Variants in MMP11 observed in about 807,000 individuals in gnomAD.
The protein encoded by MMP11 is stromelysin-3.
A neutral mutation model predicts 49.5 loss-of-function variants in MMP11; 26 were observed. The observed-to-expected ratio is 0.52, with a 90% CI of 0.38 to 0.73. The LOEUF is 0.73. MMP11 is among the 30% of genes least tolerant of loss of function. The pLI, the probability that MMP11 is intolerant of heterozygous loss-of-function variation, is 0.00. For missense variants in MMP11, 624 were observed against 671.2 expected (o/e 0.93, Z 0.78); for synonymous variants, 265 against 282.3 (o/e 0.94, Z 0.62).
chr22:23,782,138 A>AGTCT (rs1031570466), intron 6 of MMP11, 88 bp from the exon 7 acceptor site: 42 of 1,528,726 alleles, frequency 2.7e-5, no homozygotes, highest in Non-Finnish European at 3.4e-5. Flanking sequence ...AGGCTGGGAG[A>AGTCT]GTCTGTGGTA....
intron 1 of MMP11, among the ~76,000 whole-genome samples, 182 bp downstream of exon 1, chr22:23,773,160 G>C (rs1450489308): frequency 1.3e-5 from 2 of 152,168 alleles, no homozygotes; most frequent in Non-Finnish European, 2.9e-5. Context: ...CTGGGGGTGT[G>C]AAGGGGAGCC....
At chr22:23,779,679 ACGGGTGT>A in intron 2 of MMP11, 1 of 540,454 alleles carries the variant, frequency 1.9e-6, no homozygotes, top group South Asian at 2.6e-5. Flanking sequence ...ATGCCTGCGG[ACGGGTGT>A]TCAGTCACTC....
chr22:23,782,348 A>C lies in MMP11; in HGVS notation c.1198A>C (p.Ile400Leu). ...GGTCTGGGGTCCCGAGAAGAACAAG[A>C]TCTACTTCTTCCGAGGCAGGGACTA... Reference protein sequence around the residue: ...ALVWGPEKNKIYFFRGRDYWR... With the variant: ...ALVWGPEKNKLYFFRGRDYWR... The change falls in exon 7 of 8, where the codon ATC becomes CTC. Residue 400 changes from isoleucine to leucine, a missense_variant. By Grantham distance (5) the Ile-to-Leu change is conservative (BLOSUM62 2). Transcript: ENST00000215743. 6.2e-7 allele frequency: 1 copy of C among 1,613,914 alleles called. No individual in the cohort carries two copies. The highest frequency in any genetic ancestry group is 8.5e-7 in the Non-Finnish European group (1 of 1,179,984).
Position 23,780,083 on chromosome 22 carries a change from T to G in MMP11, c.339-276T>G. On this transcript the variant is annotated intron_variant, in intron 2 of 7. Transcript: ENST00000215743. The surrounding 1 kb of genome is among the most constrained non-coding windows in gnomAD (Gnocchi z 4.6). ...GGAACCAAGGTGTCCCCACAGTAAG[T>G]GGCACTGTCAGGTCTAGGATGGGGG... 1 of 497,610 alleles carries G rather than the reference T, an allele frequency of 2.0e-6. No homozygotes were observed. Among genetic ancestry groups the G allele is most frequent in the African/African-American group, 1.9e-5 (1 of 52,270 alleles). The allele number at this position is 497,610 out of a possible 1,614,324, so 30.8% of individuals were successfully genotyped here.
At chr22:23,782,655 A>AAATG (rs1927683025) in intron 7 of MMP11, 172 bp downstream of exon 7, 1 of 778,186 alleles carries the variant, frequency 1.3e-6, no homozygotes, top group Admixed American at 2.9e-5. Flanking sequence ...TACATTCCAT[A>AAATG]TTGCAGATGA....
chr22:23,778,520 C>G (rs953443160), intron 1 of MMP11, among the ~76,000 whole-genome samples: 4 of 152,184 alleles, frequency 2.6e-5, no homozygotes, highest in Non-Finnish European at 5.9e-5. Context: ...TGCTAGAAGC[C>G]AGGCCTCAGT....
Position 23,783,729 on chromosome 22 carries a change from C to T in MMP11, c.*185C>T, listed in dbSNP as rs151200657. 5.2e-4 allele frequency: 387 copies of T among 737,200 alleles called. 1 individual carries two copies. In the African/African-American group the frequency reaches 6.2e-3, roughly 12 times the overall value. 45.7% of individuals were successfully genotyped at this position (737,200 alleles called of 1,614,324 possible). ...GGGAGGGCCACGCAGGTCGTGGTCA[C>T]CTGCCAGCGACTGTCTCAGACTGGG... On this transcript the variant is annotated 3_prime_UTR_variant, in exon 8 of 8. Transcript: ENST00000215743.
chr22:23,780,856 C>T lies in MMP11; in HGVS notation c.617-3C>T, dbSNP rs1927594294. On this transcript the variant is annotated splice_region_variant and splice_polypyrimidine_tract_variant and intron_variant, in intron 4 of 7. Transcript: ENST00000215743. The surrounding 1 kb of genome is among the most constrained non-coding windows in gnomAD (Gnocchi z 4.6). Reference sequence around the variant, plus strand: ...GGGTTGCTGAGCCACCTCCCTTTTTCAGGCACAGACCTGCTGCAGGTGGCA... The same window carrying T: ...GGGTTGCTGAGCCACCTCCCTTTTTTAGGCACAGACCTGCTGCAGGTGGCA... 6.2e-7 allele frequency: 1 copy of T among 1,610,794 alleles called. No homozygotes were observed. Among genetic ancestry groups the T allele is most frequent in the East Asian group, 2.2e-5 (1 of 44,868 alleles).
rs1442118009 is a variant in MMP11 at position 23,780,883 on chromosome 22, C to T, written c.641C>T (p.Ala214Val). The T allele has an allele frequency of 6.2e-7, 1 of 1,613,808 alleles. No homozygotes were observed. Among genetic ancestry groups the T allele is most frequent in the Non-Finnish European group, 8.5e-7 (1 of 1,179,928 alleles). The change falls in exon 5 of 8, where the codon GCC becomes GTC. Residue 214 changes from alanine to valine, a missense_variant. By Grantham distance (64) the Ala-to-Val change is moderately conservative (BLOSUM62 0). Transcript: ENST00000215743. This position sits in a 1 kb window ranked among gnomAD's most constrained non-coding sequence, Gnocchi z 4.6. The stretch of plus-strand genomic sequence containing the variant: ...GGCACAGACCTGCTGCAGGTGGCAG[C>T]CCATGAATTTGGCCACGTGCTGGGG... ...DQGTDLLQVA[A>V]HEFGHVLGLQ... is the part of the protein sequence containing the mutation.
At chr22:23,773,381 C>T (rs1024880023) in intron 1 of MMP11, among the ~76,000 whole-genome samples, 3 of 152,084 alleles carry the variant, frequency 2.0e-5, no homozygotes, top group African/African-American at 7.2e-5. Flanking sequence ...GGTGTGTGGC[C>T]GCAGTTAGTA....
intron 1 of MMP11, among the ~76,000 whole-genome samples, chr22:23,773,922 A>T (rs1486915600): frequency 3.3e-5 from 5 of 151,728 alleles, no homozygotes; most frequent in African/African-American, 1.2e-4. Context: ...CTGTCCAGCC[A>T]CTCTGGCTCT....
chr22:23,780,911 G>A lies in MMP11; in HGVS notation c.669G>A (p.Leu223=), dbSNP rs1927597184. The change falls in exon 5 of 8, where the codon CTG becomes CTA. Residue 223 remains leucine, a synonymous_variant. Coordinates refer to ENST00000215743, the MANE Select transcript of MMP11 (RefSeq NM_005940.5). The surrounding 1 kb of genome is among the most constrained non-coding windows in gnomAD (Gnocchi z 4.6). ...ATGAATTTGGCCACGTGCTGGGGCT[G>A]CAGCACACAACAGCAGCCAAGGCCC... is the stretch of plus-strand genomic sequence containing the variant. ...AAHEFGHVLG[L]QHTTAAKALM... 2 of 1,613,922 alleles carry A rather than the reference G, an allele frequency of 1.2e-6. No individual in the cohort carries two copies. Among genetic ancestry groups the A allele is most frequent in the Non-Finnish European group, 1.7e-6 (2 of 1,179,998 alleles).
intron 6 of MMP11, 119 bp downstream of exon 6, chr22:23,781,528 A>C: frequency 1.0e-6 from 1 of 963,120 alleles, no homozygotes; most frequent in Non-Finnish European, 1.5e-6. Context: ...GCTGCCCCAA[A>C]GCCTGGGGGC....
At chr22:23,773,062 A>AG in intron 1 of MMP11, 84 bp downstream of exon 1, 1 of 1,095,644 alleles carries the variant, frequency 9.1e-7, no homozygotes, top group Non-Finnish European at 1.1e-6. Context: ...TCCGGACCGA[A>AG]GGGGGCGCCC....
chr22:23,779,553 A>G, intron 2 of MMP11, 137 bp downstream of exon 2: 1 of 786,418 alleles, frequency 1.3e-6, no homozygotes, highest in Non-Finnish European at 2.0e-6. Flanking sequence ...ACTGAACCCC[A>G]GGGAGGTCAT....
In MMP11 at chr22:23,779,557, A is replaced by T; in HGVS notation, c.338+141A>T. Reference sequence around the variant, plus strand: ...CCTGTGTGTCCACTGAACCCCAGGGAGGTCATCTATGGGCAAACCCCCTGA... The same window carrying T: ...CCTGTGTGTCCACTGAACCCCAGGGTGGTCATCTATGGGCAAACCCCCTGA... On this transcript the variant is annotated intron_variant, in intron 2 of 7. Coordinates refer to ENST00000215743, the MANE Select transcript of MMP11 (RefSeq NM_005940.5). The T allele has an allele frequency of 5.2e-6, 4 of 769,472 alleles. 1 individual carries two copies. In the South Asian group the frequency reaches 7.4e-5, roughly 14 times the overall value. 47.7% of individuals were successfully genotyped at this position (769,472 alleles called of 1,614,324 possible).
rs756686107 is a variant in MMP11 at position 23,780,866 on chromosome 22, C to A, written c.624C>A (p.Asp208Glu). The A allele has an allele frequency of 1.9e-6, 3 of 1,613,202 alleles. No homozygotes were observed. Among genetic ancestry groups the A allele is most frequent in the East Asian group, 2.2e-5 (1 of 44,892 alleles). Residue 208 changes from aspartate to glutamate, a missense_variant, in exon 5 of 8, where the codon GAC becomes GAA. Transcript: ENST00000215743. This position sits in a 1 kb window ranked among gnomAD's most constrained non-coding sequence, Gnocchi z 4.6. ...GCCACCTCCCTTTTTCAGGCACAGA[C>A]CTGCTGCAGGTGGCAGCCCATGAAT... ...TWTIGDDQGT[D>E]LLQVAAHEFG...
Position 23,782,215 on chromosome 22 carries a change from C to T in MMP11, c.1076-11C>T, listed in dbSNP as rs1287284047. On this transcript the variant is annotated splice_polypyrimidine_tract_variant and intron_variant, in intron 6 of 7. Coordinates refer to ENST00000215743, the MANE Select transcript of MMP11 (RefSeq NM_005940.5). ...GCTGGGCAGGTCCTTGCAGCCTTCC[C>T]TCTCCGGCAGGTGCTCAGTACTGGG... is the stretch of plus-strand genomic sequence containing the variant. The T allele has an allele frequency of 6.2e-7, 1 of 1,606,198 alleles. No individual in the cohort carries two copies. Among genetic ancestry groups the T allele is most frequent in the Non-Finnish European group, 8.5e-7 (1 of 1,175,004 alleles).
At chr22:23,778,612 C>A (rs1040363947) in intron 1 of MMP11, among the ~76,000 whole-genome samples, 2 of 152,164 alleles carry the variant, frequency 1.3e-5, no homozygotes, top group African/African-American at 4.8e-5. Context: ...TCAGTGTCAC[C>A]CCCAGCAGTC....
Sources: gnomAD v4.1 joint callset for allele counts (sites outside exome capture counted in the v4.1 genomes callset) on GRCh38, gnomAD v4.1.1 for gene constraint, Gnocchi (gnomAD v3.1) non-coding constraint, MANE v1.5 for transcripts, NCBI Gene and HGNC (gene_info 2026-07-23, HGNC 2026-07-21) for gene names.